Variants in TCF4 observed in about 807,000 individuals in gnomAD.
The protein encoded by TCF4 is SL3-3 enhancer factor 2.
Under a neutral mutation model 82.1 loss-of-function variants are expected in TCF4, and 3 were observed. The observed-to-expected ratio is 0.04, with a 90% CI of 0.02 to 0.09. The LOEUF (loss-of-function observed/expected upper bound fraction) is 0.09. TCF4 is among the 10% of genes least tolerant of loss of function. The pLI, the probability that TCF4 is intolerant of heterozygous loss-of-function variation, is 1.00. For synonymous variants in TCF4, 276 were observed against 309.6 expected, an observed-to-expected ratio of 0.89 and a Z score of 1.14; for missense variants, 518 against 852.7, an observed-to-expected ratio of 0.61 and a Z score of 4.89.
intron 3 of TCF4, among the ~76,000 whole-genome samples, chr18:55,512,189 T>C (rs1178682059): frequency 6.6e-6 from 1 of 152,202 alleles, no homozygotes; most frequent in East Asian, 1.9e-4. Context: ...CCTAGGAAAC[T>C]ATCCTAATAA....
intron 2 of TCF4, among the ~76,000 whole-genome samples, chr18:55,629,320 T>C (rs914285592): frequency 5.9e-5 from 9 of 152,186 alleles, no homozygotes; most frequent in African/African-American, 2.2e-4. Context: ...GCATTGGCTA[T>C]TATGCCTCCT....
chr18:55,281,066 C>T (rs2062507929), intron 8 of TCF4, among the ~76,000 whole-genome samples: 1 of 152,076 alleles, frequency 6.6e-6, no homozygotes, highest in African/African-American at 2.4e-5. Context: ...TCTTAAGGCA[C>T]TAATGGATAC....
intron 8 of TCF4, among the ~76,000 whole-genome samples, chr18:55,344,063 A>G (rs762259747): frequency 6.6e-6 from 1 of 152,200 alleles, no homozygotes; most frequent in Non-Finnish European, 1.5e-5. Context: ...CAACTTTGAC[A>G]ATTCTTGAAG....
chr18:55,456,791 A>G (rs1375550944), intron 5 of TCF4, among the ~76,000 whole-genome samples: 2 of 152,206 alleles, frequency 1.3e-5, no homozygotes, highest in Admixed American at 6.5e-5. Flanking sequence ...TCTTAAAAAA[A>G]CAGAGGAATT....
chr18:55,482,362 G>A (rs1238156668), intron 3 of TCF4: 1 of 152,182 alleles, frequency 6.6e-6, no homozygotes. Context: ...AGGCCTGGAT[G>A]ACCCGAATTA....
intron 11 of TCF4, among the ~76,000 whole-genome samples, chr18:55,261,904 T>C (rs2058155484): frequency 6.6e-6 from 1 of 152,218 alleles, no homozygotes; most frequent in Non-Finnish European, 1.5e-5. Flanking sequence ...TTATAGTAAA[T>C]GGAATTATCT....
chr18:55,421,179 G>GAC (rs2094735610), intron 5 of TCF4, among the ~76,000 whole-genome samples: 1 of 151,966 alleles, frequency 6.6e-6, no homozygotes. Flanking sequence ...TTTAGACATG[G>GAC]ACACACACAC....
At chr18:55,549,158 G>A (rs2097235311) in intron 3 of TCF4, among the ~76,000 whole-genome samples, 1 of 152,024 alleles carries the variant, frequency 6.6e-6, no homozygotes, top group African/African-American at 2.4e-5. Context: ...AAAATTAGCT[G>A]CACGTGATGG....
chr18:55,277,412 G>A (rs549179047), intron 9 of TCF4, among the ~76,000 whole-genome samples: 3 of 152,252 alleles, frequency 2.0e-5, no homozygotes, highest in East Asian at 1.9e-4. Context: ...GTGGCAATGC[G>A]TTTAGGACTG....
In TCF4 at chr18:55,350,869, C is replaced by T; in HGVS notation, c.499+5G>A. The T allele has an allele frequency of 6.2e-7, 1 of 1,613,146 alleles. No homozygotes were observed. Among genetic ancestry groups the T allele is most frequent in the Non-Finnish European group, 8.5e-7 (1 of 1,179,360 alleles). ...CTCAGGCATTCAAACAAAGGAATACCTTACCCATGGCACTACTGTGAAGAG... is the reference window on the plus strand; with the variant it reads ...CTCAGGCATTCAAACAAAGGAATACTTTACCCATGGCACTACTGTGAAGAG... On this transcript the variant is annotated splice_donor_5th_base_variant and intron_variant, in intron 7 of 19. Transcript: ENST00000354452.
chr18:55,406,106 G>A (rs1206571287), intron 5 of TCF4, among the ~76,000 whole-genome samples: 1 of 148,296 alleles, frequency 6.7e-6, no homozygotes, highest in African/African-American at 2.5e-5. Context: ...AGCACAGCCA[G>A]CAGGAGGCTG....
intron 8 of TCF4, among the ~76,000 whole-genome samples, chr18:55,341,580 G>C (rs895633448): frequency 6.6e-6 from 1 of 152,138 alleles, no homozygotes; most frequent in Non-Finnish European, 1.5e-5. Flanking sequence ...CGTTATACTT[G>C]AAAGGTCTTT....
intron 8 of TCF4, among the ~76,000 whole-genome samples, chr18:55,298,130 G>A (rs755022797): frequency 8.6e-5 from 13 of 152,022 alleles, no homozygotes; most frequent in Non-Finnish European, 1.3e-4. Flanking sequence ...GCATCCAGTC[G>A]GTATCTAACA....
At chr18:55,503,756 T>C (rs1603616711) in intron 3 of TCF4, among the ~76,000 whole-genome samples, 1 of 152,174 alleles carries the variant, frequency 6.6e-6, no homozygotes, top group Non-Finnish European at 1.5e-5. Flanking sequence ...GGAGCAGAGA[T>C]TGGCACAGTC....
chr18:55,234,684 C>CT lies in TCF4; in HGVS notation c.1351-2dup. 1 of 1,614,142 alleles carries CT rather than the reference C, an allele frequency of 6.2e-7. No individual in the cohort carries two copies. The stretch of plus-strand genomic sequence containing the variant: ...CGCCATCTTCACGATGGGTCCCCAC[C>CT]TGAAAGGGCGAGAGGAACCAGAGAG... On this transcript the variant is annotated splice_acceptor_variant, in intron 15 of 19. Coordinates refer to ENST00000354452, the MANE Select transcript of TCF4 (RefSeq NM_001083962.2). LOFTEE classifies it high-confidence loss of function.
intron 6 of TCF4, 45 bp from the exon 7 acceptor site, chr18:55,351,048 T>C (rs1184760289): frequency 1.2e-5 from 19 of 1,611,362 alleles, no homozygotes; most frequent in African/African-American, 5.3e-5. Context: ...GTTAATTTTT[T>C]ACTTTCACCA....
chr18:55,597,954 A>G (rs1223019771), intron 2 of TCF4, among the ~76,000 whole-genome samples: 2 of 152,210 alleles, frequency 1.3e-5, no homozygotes, highest in African/African-American at 4.8e-5. Flanking sequence ...TTTGTCTATG[A>G]AAAGCACTAT....
At chr18:55,248,411 A>G (rs2053969936) in intron 15 of TCF4, among the ~76,000 whole-genome samples, 1 of 152,288 alleles carries the variant, frequency 6.6e-6, no homozygotes, top group Non-Finnish European at 1.5e-5. Flanking sequence ...TCTGTTGATC[A>G]TATCTTTGTT....
chr18:55,275,877 T>C, intron 9 of TCF4, 125 bp from the exon 10 acceptor site: 1 of 1,213,800 alleles, frequency 8.2e-7, no homozygotes, highest in East Asian at 2.3e-5. Flanking sequence ...GGTTAGCTGA[T>C]TACATCAGAA....
Sources: allele counts gnomAD v4.1 joint callset (sites outside exome capture counted in the v4.1 genomes callset), GRCh38; gene constraint gnomAD v4.1.1; transcripts MANE v1.5; gene names NCBI Gene and HGNC (gene_info 2026-07-23, HGNC 2026-07-21).